ZNF410: variants seen among roughly 807,000 people sequenced by gnomAD.
ZNF410 encodes another partner for ARF 1.
Under a neutral mutation model 54.8 loss-of-function variants are expected in ZNF410, and 18 were observed. That is an observed-to-expected ratio of 0.33 (90% CI 0.23 to 0.49). The LOEUF (loss-of-function observed/expected upper bound fraction) is 0.49, where lower values mean the gene tolerates loss of function less well. Among genes scored for constraint, ZNF410 ranks in the 20% least tolerant of loss-of-function variants. The probability of loss-of-function intolerance (pLI) is 0.99; values close to 1 mark genes in which losing one functional copy is unlikely to be tolerated. For missense variants in ZNF410, 405 were observed against 569.6 expected (o/e 0.71, Z 2.94); for synonymous variants, 191 against 207.3 (o/e 0.92, Z 0.68).
intron 7 of ZNF410, among the ~76,000 whole-genome samples, chr14:73,905,805 GTAAAAT>G (rs2055472926): frequency 6.6e-6 from 1 of 150,558 alleles, no homozygotes; most frequent in Admixed American, 6.6e-5. Context: ...ATGACAGCAG[GTAAAAT>G]TAAAAGGCAT....
chr14:73,889,446 A>AG (rs1566648266), intron 1 of ZNF410, among the ~76,000 whole-genome samples: 1 of 151,666 alleles, frequency 6.6e-6, no homozygotes, highest in Admixed American at 6.6e-5. Flanking sequence ...AAAAAAAAAA[A>AG]AAAAAAAGAA....
intron 2 of ZNF410, 139 bp from the exon 3 acceptor site, chr14:73,893,658 T>C (rs879609101): frequency 1.5e-5 from 14 of 938,314 alleles, no homozygotes; most frequent in East Asian, 2.9e-5. Context: ...AAAATAACTT[T>C]AGATATTATG....
chr14:73,917,077 T>G (rs1226627719), intron 8 of ZNF410, among the ~76,000 whole-genome samples: 2 of 152,254 alleles, frequency 1.3e-5, no homozygotes, highest in Admixed American at 6.5e-5. Flanking sequence ...TTGGTTCATG[T>G]TGATAATTCC....
intron 3 of ZNF410, chr14:73,896,100 CAG>C: frequency 1.8e-6 from 1 of 542,088 alleles, no homozygotes. Context: ...TGCCAAGTGA[CAG>C]AGAATTCTGT....
At chr14:73,921,129 A>G (rs571672069) in intron 9 of ZNF410, 24 bp downstream of exon 9, 1 of 1,612,146 alleles carries the variant, frequency 6.2e-7, no homozygotes, top group Non-Finnish European at 8.5e-7. Flanking sequence ...GCATAGTGGA[A>G]CGCTGTACTA....
intron 8 of ZNF410, chr14:73,914,626 C>CTTTTTTTT (rs771997792): frequency 8.9e-6 from 1 of 112,018 alleles, no homozygotes; most frequent in East Asian, 2.6e-4. Flanking sequence ...CCTTAATTTC[C>CTTTTTTTT]TTTTTTTTTT....
chr14:73,921,195 T>C, intron 9 of ZNF410, 90 bp downstream of exon 9: 1 of 1,551,886 alleles, frequency 6.4e-7, no homozygotes. Context: ...GGAAATTTTC[T>C]GATTCTGTTT....
At position 73,923,427 on chromosome 14, in the gene ZNF410, T is replaced by C; in HGVS notation, c.1303T>C (p.Ser435Pro). The C allele has an allele frequency of 6.2e-7, 1 of 1,613,908 alleles. No homozygotes were observed. Among genetic ancestry groups the C allele is most frequent in the Non-Finnish European group, 8.5e-7 (1 of 1,179,932 alleles). The change falls in exon 11 of 12, where the codon TCT becomes CCT. Residue 435 changes from serine (S) to proline (P), a missense_variant. Transcript: ENST00000555044. The part of the protein sequence containing the change: ...VLAEGSPRSL[S>P]SVPDVTHHLV... The stretch of plus-strand genomic sequence containing the variant: ...TGCTGAAGGATCCCCACGTTCCCTG[T>C]CTTCAGTGCCTGATGTGACACATCA...
intron 8 of ZNF410, among the ~76,000 whole-genome samples, chr14:73,917,975 T>A (rs1466371856): frequency 6.6e-6 from 1 of 152,252 alleles, no homozygotes; most frequent in Non-Finnish European, 1.5e-5. Flanking sequence ...GGTATTTGCA[T>A]ATAACCTACA....
rs1158550117 is a variant in ZNF410, at chr14:73,919,886, G to GTTTTTTTTTTTTTT, written c.1004-1082_1004-1069dup. Among the ~76,000 whole-genome samples the GTTTTTTTTTTTTTT allele has an allele frequency of 1.9e-4, 12 of 62,026 alleles. 1 individual carries two copies. The highest frequency in any genetic ancestry group is 5.0e-4 in the African/African-American group (8 of 16,136). 40.7% of individuals were successfully genotyped at this position (62,026 alleles called of 152,430 possible). A position where few individuals can be genotyped will look rare whatever the true frequency, so the allele number is the denominator to read the frequency against. On this transcript the variant is annotated intron_variant, in intron 8 of 11. Coordinates refer to ENST00000555044, the MANE Select transcript of ZNF410 (RefSeq NM_021188.3). ...ATTCCACCCTGTTTCTATTGTATAG[G>GTTTTTTTTTTTTTT]TTTTTTTTTTTTTTTTTTTTTTTTT... is the stretch of plus-strand genomic sequence containing the variant.
At chr14:73,909,142 C>CA in intron 7 of ZNF410, among the ~76,000 whole-genome samples, 199 bp from the exon 8 acceptor site, 1 of 152,144 alleles carries the variant, frequency 6.6e-6, no homozygotes, top group Non-Finnish European at 1.5e-5. Context: ...AGGAAAAGGG[C>CA]AAGGCTGTCT....
intron 6 of ZNF410, 101 bp downstream of exon 6, chr14:73,904,211 G>A: frequency 7.7e-7 from 1 of 1,301,390 alleles, no homozygotes; most frequent in Non-Finnish European, 1.1e-6. Flanking sequence ...AGGAAAGTAG[G>A]GACTCCAGTT....
At chr14:73,901,439 GA>G (rs2055404953) in intron 5 of ZNF410, among the ~76,000 whole-genome samples, 1 of 150,822 alleles carries the variant, frequency 6.6e-6, no homozygotes, top group Non-Finnish European at 1.5e-5. Flanking sequence ...TTTTTTTAGG[GA>G]AAAATTTGCG....
intron 1 of ZNF410, among the ~76,000 whole-genome samples, chr14:73,890,252 A>C (rs2055208069): frequency 6.6e-6 from 1 of 150,618 alleles, no homozygotes; most frequent in South Asian, 2.1e-4. Flanking sequence ...ACAGTGACGC[A>C]GTCTCAGCTC....
In ZNF410 at chr14:73,925,293, C is replaced by T. The variant is rs141262483; in HGVS notation, c.1398+1771C>T. 1.2e-3 allele frequency among the ~76,000 whole-genome samples: 188 copies of T among 152,204 alleles called. 1 individual carries two copies. The highest frequency in any genetic ancestry group is 0.01 in the Middle Eastern group (3 of 294). ...GCCTTCCTCTTTCTCCTCCATTTTT[C>T]TTGTCTTCATTTTTCTATTTTAAAG... On this transcript the variant is annotated intron_variant, in intron 11 of 11. Transcript: ENST00000555044.
At chr14:73,893,462 G>A (rs1566650414) in intron 2 of ZNF410, 1 of 209,188 alleles carries the variant, frequency 4.8e-6, no homozygotes, top group Non-Finnish European at 9.6e-6. Context: ...GAATACTGTA[G>A]GCAGTTGAAG....
At chr14:73,903,454 A>T (rs2055437691) in intron 5 of ZNF410, among the ~76,000 whole-genome samples, 1 of 152,070 alleles carries the variant, frequency 6.6e-6, no homozygotes, top group Non-Finnish European at 1.5e-5. Context: ...GGAGTAAGGG[A>T]ATGAGGATGT....
At chr14:73,899,584 A>G (rs1222476290) in intron 5 of ZNF410, among the ~76,000 whole-genome samples, 1 of 152,166 alleles carries the variant, frequency 6.6e-6, no homozygotes, top group Non-Finnish European at 1.5e-5. Context: ...CATTGAAGAA[A>G]TAGTGTCATA....
chr14:73,907,460 T>C (rs965579833), intron 7 of ZNF410, among the ~76,000 whole-genome samples: 4 of 151,956 alleles, frequency 2.6e-5, no homozygotes, highest in African/African-American at 7.2e-5. Context: ...CCAGGCATGG[T>C]GATGGGTGCC....
Sources: allele counts gnomAD v4.1 joint callset (sites outside exome capture counted in the v4.1 genomes callset), GRCh38; gene constraint gnomAD v4.1.1; transcripts MANE v1.5; gene names NCBI Gene and HGNC (gene_info 2026-07-23, HGNC 2026-07-21).